Variants in AGBL4 observed in about 807,000 individuals in gnomAD.
AGBL4 encodes AGBL carboxypeptidase 4, also known as cytosolic carboxypeptidase 6.
AGBL4 carries 58 observed loss-of-function variants against 66.4 expected under a neutral mutation model. That is an observed-to-expected ratio of 0.87 (90% CI 0.71 to 1.09). AGBL4 has a LOEUF of 1.09. Among genes scored for constraint, AGBL4 ranks in the 50% least tolerant of loss-of-function variants. The probability of loss-of-function intolerance (pLI) is 0.00; values close to 1 mark genes in which losing one functional copy is unlikely to be tolerated. For missense variants in AGBL4, 579 were observed against 631.0 expected (o/e 0.92, Z 0.88); for synonymous variants, 234 against 222.9 (o/e 1.05, Z -0.44).
intron 2 of AGBL4, among the ~76,000 whole-genome samples, chr1:49,740,459 T>A (rs1423146043): frequency 6.6e-6 from 1 of 152,130 alleles, no homozygotes; most frequent in Non-Finnish European, 1.5e-5. Context: ...TGGGAGACTT[T>A]AACACCCCAC....
At chr1:48,791,458 T>C (rs916725008) in intron 6 of AGBL4, among the ~76,000 whole-genome samples, 5 of 151,988 alleles carry the variant, frequency 3.3e-5, no homozygotes, top group Admixed American at 1.3e-4. Context: ...CATCAAGGGG[T>C]TCTGTTAATT....
At position 49,485,350 on chromosome 1, in the gene AGBL4, C is replaced by T. The variant is rs935811910; in HGVS notation, c.282+211963G>A. Among the ~76,000 whole-genome samples the T allele has an allele frequency of 5.0e-4, 75 of 150,432 alleles. 1 individual carries two copies. The highest frequency in any genetic ancestry group is 1.2e-3 in the African/African-American group (50 of 40,960). ...GAAATCATCATTCTCAGCAAACTAT[C>T]GCAAGGACAAAAAACCAAACACCGC... On this transcript the variant is annotated intron_variant, in intron 3 of 13. Coordinates refer to ENST00000371839, the MANE Select transcript of AGBL4 (RefSeq NM_032785.4).
chr1:49,766,743 A>C lies in AGBL4; in HGVS notation c.158-69306T>G, dbSNP rs534621973. ...TAAGTAAATGACTGGAGAAAGCTAT[A>C]TCATGCAAATAGAAAACATAAAAGA... On this transcript the variant is annotated intron_variant, in intron 2 of 13. Coordinates refer to ENST00000371839, the MANE Select transcript of AGBL4 (RefSeq NM_032785.4). Among the ~76,000 whole-genome samples, 443 of 152,270 alleles carry C rather than the reference A, an allele frequency of 2.9e-3. 4 individuals carry two copies. The highest frequency in any genetic ancestry group is 0.016 in the South Asian group (79 of 4,830).
At chr1:48,844,221 G>C (rs1175403475) in intron 6 of AGBL4, among the ~76,000 whole-genome samples, 2 of 152,098 alleles carry the variant, frequency 1.3e-5, no homozygotes, top group African/African-American at 4.8e-5. Context: ...CTGCTTCCAA[G>C]ACCTAACCCA....
chr1:48,933,204 G>A (rs555119418), intron 5 of AGBL4, among the ~76,000 whole-genome samples: 2 of 152,224 alleles, frequency 1.3e-5, no homozygotes, highest in African/African-American at 4.8e-5. Flanking sequence ...GTACATATGT[G>A]TATGTGTATT....
At chr1:49,646,580 A>G (rs936680694) in intron 3 of AGBL4, among the ~76,000 whole-genome samples, 1 of 151,994 alleles carries the variant, frequency 6.6e-6, no homozygotes, top group African/African-American at 2.4e-5. Context: ...AGGAAGACTC[A>G]GTATTATTAA....
intron 3 of AGBL4, among the ~76,000 whole-genome samples, chr1:49,566,517 G>C (rs1644208964): frequency 6.6e-6 from 1 of 152,166 alleles, no homozygotes; most frequent in Non-Finnish European, 1.5e-5. Flanking sequence ...CCTTCTAACA[G>C]TCAGGAACCT....
chr1:49,876,071 G>C (rs1646995767), intron 1 of AGBL4, among the ~76,000 whole-genome samples: 1 of 148,514 alleles, frequency 6.7e-6, no homozygotes, highest in African/African-American at 2.5e-5. Context: ...TTTGTCAGAT[G>C]AGTAGGTTGC....
intron 8 of AGBL4, chr1:48,647,596 T>C (rs1645857907): frequency 2.2e-6 from 1 of 453,886 alleles, no homozygotes; most frequent in Non-Finnish European, 4.4e-6. Flanking sequence ...GAATACACAA[T>C]GACAAGCACC....
At chr1:49,437,115 T>G (rs1246800927) in intron 3 of AGBL4, among the ~76,000 whole-genome samples, 2 of 152,108 alleles carry the variant, frequency 1.3e-5, no homozygotes, top group African/African-American at 4.8e-5. Context: ...ATGAGGAAGT[T>G]CATGGGAGAG....
At chr1:48,829,896 T>C (rs1049625676) in intron 6 of AGBL4, among the ~76,000 whole-genome samples, 1 of 152,130 alleles carries the variant, frequency 6.6e-6, no homozygotes, top group African/African-American at 2.4e-5. Flanking sequence ...TTCATAAAAC[T>C]ATTAACATGT....
intron 3 of AGBL4, among the ~76,000 whole-genome samples, chr1:49,693,981 A>G (rs1011520166): frequency 6.6e-6 from 1 of 152,144 alleles, no homozygotes; most frequent in Non-Finnish European, 1.5e-5. Context: ...TTACGGGTTA[A>G]TATATCAGTC....
intron 6 of AGBL4, among the ~76,000 whole-genome samples, chr1:48,739,020 T>C (rs1222087322): frequency 6.6e-6 from 1 of 152,204 alleles, no homozygotes; most frequent in African/African-American, 2.4e-5. Flanking sequence ...AAGCTTCTGC[T>C]CTCCCTGTCT....
chr1:49,307,554 G>A (rs1230031249), intron 3 of AGBL4, among the ~76,000 whole-genome samples: 2 of 152,084 alleles, frequency 1.3e-5, no homozygotes, highest in African/African-American at 2.4e-5. Context: ...CTGTTTTATT[G>A]TTTTATGTTG....
At chr1:49,726,843 GGAATAT>G (rs1331818534) in intron 2 of AGBL4, among the ~76,000 whole-genome samples, 1 of 152,062 alleles carries the variant, frequency 6.6e-6, no homozygotes, top group Non-Finnish European at 1.5e-5. Context: ...ACATGGAGGA[GGAATAT>G]GGCCACAGAA....
chr1:48,573,501 A>C (rs1644601738), intron 11 of AGBL4, among the ~76,000 whole-genome samples: 2 of 152,210 alleles, frequency 1.3e-5, no homozygotes, highest in African/African-American at 4.8e-5. Flanking sequence ...TCACAGACTG[A>C]ACCCTGGCTT....
At chr1:49,047,225 G>A (rs147731365) in intron 4 of AGBL4, among the ~76,000 whole-genome samples, 66 of 152,162 alleles carry the variant, frequency 4.3e-4, no homozygotes, top group Admixed American at 1.6e-3. Context: ...AAATATTCTG[G>A]TATTTGATTA....
intron 1 of AGBL4, among the ~76,000 whole-genome samples, chr1:49,871,909 G>T (rs1253164538): frequency 6.6e-6 from 1 of 151,894 alleles, no homozygotes; most frequent in Non-Finnish European, 1.5e-5. Context: ...TTTATAATCA[G>T]CTCTAGAAAT....
At chr1:49,369,246 T>C (rs1480314704) in intron 3 of AGBL4, among the ~76,000 whole-genome samples, 20 of 152,212 alleles carry the variant, frequency 1.3e-4, no homozygotes, top group Admixed American at 1.3e-3. Flanking sequence ...TATCCCAGCA[T>C]AACCTTTAGA....
Sources: allele counts gnomAD v4.1 joint callset (sites outside exome capture counted in the v4.1 genomes callset), GRCh38; gene constraint gnomAD v4.1.1; transcripts MANE v1.5; gene names NCBI Gene and HGNC (gene_info 2026-07-23, HGNC 2026-07-21).